The following INPP5D variants were observed in gnomAD, a reference collection of about 807,000 sequenced individuals.
INPP5D encodes inositol polyphosphate-5-phosphatase D.
INPP5D carries 33 observed loss-of-function variants against 122.9 expected under a neutral mutation model. The observed-to-expected ratio is 0.27, with a 90% confidence interval of 0.20 to 0.36. INPP5D has a LOEUF of 0.36. Among genes scored for constraint, INPP5D ranks in the 10% least tolerant of loss-of-function variants. The pLI, the probability that INPP5D is intolerant of heterozygous loss-of-function variation, is 1.00. For synonymous variants in INPP5D, 584 were observed against 576.2 expected, an observed-to-expected ratio of 1.01 and a Z score of -0.19; for missense variants, 1,053 against 1,412.7, an observed-to-expected ratio of 0.75 and a Z score of 4.08.
intron 5 of INPP5D, among the ~76,000 whole-genome samples, chr2:233,139,614 C>T (rs1347380475): frequency 2.0e-5 from 3 of 152,034 alleles, no homozygotes; most frequent in Non-Finnish European, 4.4e-5. Flanking sequence ...AAAGCAAAAC[C>T]TAGGTACAGT....
rs1226238658 is a variant in INPP5D at position 233,082,521 on chromosome 2, C to T, written c.198+3123C>T. 2.0e-5 allele frequency among the ~76,000 whole-genome samples: 3 copies of T among 152,168 alleles called. No homozygotes were observed. The highest frequency in any genetic ancestry group is 6.5e-5 in the Admixed American group (1 of 15,270). Reference sequence around the variant, plus strand: ...CCTGAAATTTTGCCAAGTGAAGCACCGAAAGGCTTTCATTGTTTCTTAGTT... The same window carrying T: ...CCTGAAATTTTGCCAAGTGAAGCACTGAAAGGCTTTCATTGTTTCTTAGTT... On this transcript the variant is annotated intron_variant, in intron 2 of 26. Transcript: ENST00000445964. This position sits in a 1 kb window ranked among gnomAD's most constrained non-coding sequence, Gnocchi z 4.7.
intron 2 of INPP5D, 82 bp from the exon 3 acceptor site, chr2:233,122,025 G>A (rs1267590705): frequency 1.3e-6 from 2 of 1,518,860 alleles, no homozygotes; most frequent in Non-Finnish European, 1.8e-6. Context: ...CGCCTCGCTG[G>A]TCTCTGCTGC....
At chr2:233,093,548 G>C (rs1692043567) in intron 2 of INPP5D, among the ~76,000 whole-genome samples, 1 of 23,772 alleles carries the variant, frequency 4.2e-5, no homozygotes, top group African/African-American at 2.9e-4. Context: ...GCATGGTGGC[G>C]AGTTGCCTAT....
intron 5 of INPP5D, among the ~76,000 whole-genome samples, chr2:233,132,816 T>C (rs1246608454): frequency 1.3e-5 from 2 of 152,180 alleles, no homozygotes; most frequent in African/African-American, 4.8e-5. Context: ...TCTTGCTCTT[T>C]TAGGCCTTTT....
At position 233,202,645 on chromosome 2, in the gene INPP5D, C is replaced by T. The variant is rs186284144; in HGVS notation, c.2976-1481C>T. Among the ~76,000 whole-genome samples the T allele has an allele frequency of 3.3e-5, 5 of 152,334 alleles. No individual in the cohort carries two copies. The East Asian group carries it at 9.6e-4, about 29-fold the overall frequency. ...CAGCCTCAACAGCTCAGTGGGTTCC[C>T]AGCGATCCACAATTTCTTCACGATA... On this transcript the variant is annotated intron_variant, in intron 25 of 26. Coordinates refer to ENST00000445964, the MANE Select transcript of INPP5D (RefSeq NM_001017915.3).
In INPP5D at chr2:233,203,269, C is replaced by T. The variant is rs371683309; in HGVS notation, c.2976-857C>T. ...ATTGCTGGAGTCAGAGGAGAGGCTG[C>T]GGGGTGGGGATGGGAGGAACCGGGA... is the stretch of plus-strand genomic sequence containing the variant. On this transcript the variant is annotated intron_variant, in intron 25 of 26. Transcript: ENST00000445964. Among the ~76,000 whole-genome samples the T allele has an allele frequency of 2.9e-3, 446 of 151,684 alleles. 5 individuals are homozygous for T. Among genetic ancestry groups the T allele is most frequent in the African/African-American group, 0.01 (429 of 41,282 alleles).
intron 8 of INPP5D, among the ~76,000 whole-genome samples, chr2:233,146,945 C>A (rs976602668): frequency 1.3e-5 from 2 of 152,176 alleles, no homozygotes; most frequent in Non-Finnish European, 2.9e-5. Context: ...CGCACCCCCT[C>A]CGCCACACAC....
At position 233,113,505 on chromosome 2, in the gene INPP5D, A is replaced by G. The variant is rs150085418; in HGVS notation, c.199-8602A>G. Among the ~76,000 whole-genome samples, 1,115 of 152,236 alleles carry G rather than the reference A, an allele frequency of 7.3e-3. 8 individuals are homozygous for G. Among genetic ancestry groups the G allele is most frequent in the South Asian group, 0.022 (106 of 4,824 alleles). On this transcript the variant is annotated intron_variant, in intron 2 of 26. Transcript: ENST00000445964. ...ATTATTGTTCTTTTTAAGAACAAAC[A>G]TTTTGGAGTCCATTCAAAGCCATGT... is the stretch of plus-strand genomic sequence containing the variant.
At chr2:233,161,050 A>C (rs1694185867) in intron 10 of INPP5D, among the ~76,000 whole-genome samples, 1 of 152,150 alleles carries the variant, frequency 6.6e-6, no homozygotes, top group Non-Finnish European at 1.5e-5. Flanking sequence ...GTTCTGGATC[A>C]CACTTGTTAA....
At position 233,060,400 on chromosome 2, in the gene INPP5D, G is replaced by A; in HGVS notation, c.-79G>A. ...GAGGCAACGGGCGGCAGGTTGCAGT[G>A]GAGGGGCCTCCGCTCCCCTCGGTGG... On this transcript the variant is annotated 5_prime_UTR_variant, in exon 1 of 27. Transcript: ENST00000445964. 2.7e-6 allele frequency: 4 copies of A among 1,466,268 alleles called. No homozygotes were observed. The highest frequency in any genetic ancestry group is 3.7e-6 in the Non-Finnish European group (4 of 1,091,754). The allele number at this position is 1,466,268 out of a possible 1,614,324, so 90.8% of individuals were successfully genotyped here.
At position 233,130,628 on chromosome 2, in the gene INPP5D, G is replaced by GCT; in HGVS notation, c.648_649dup (p.Cys217SerfsTer53). The GCT allele has an allele frequency of 6.2e-7, 1 of 1,613,998 alleles. No individual in the cohort carries two copies. Among genetic ancestry groups the GCT allele is most frequent in the Non-Finnish European group, 8.5e-7 (1 of 1,179,884 alleles). On this transcript the variant is annotated frameshift_variant, in exon 5 of 27. Coordinates refer to ENST00000445964, the MANE Select transcript of INPP5D (RefSeq NM_001017915.3). LOFTEE classifies it high-confidence loss of function. ...CTCACCTGAAGAAACTGACCACACT[G>GCT]CTCTGCAAGGAGCTCTATGGGTAAT...
At chr2:233,150,227 A>G (rs1693887746) in intron 9 of INPP5D, among the ~76,000 whole-genome samples, 2 of 152,148 alleles carry the variant, frequency 1.3e-5, no homozygotes, top group South Asian at 4.1e-4. Flanking sequence ...TGGGGAGGTA[A>G]TTAAATCACT....
chr2:233,099,716 G>C (rs1692249152), intron 2 of INPP5D, among the ~76,000 whole-genome samples: 1 of 152,166 alleles, frequency 6.6e-6, no homozygotes, highest in South Asian at 2.1e-4. Flanking sequence ...TAATAATCTG[G>C]ATTTTCAGCT....
At chr2:233,169,426 A>C in intron 14 of INPP5D, 25 bp downstream of exon 14, 1 of 1,569,102 alleles carries the variant, frequency 6.4e-7, no homozygotes, top group Non-Finnish European at 8.6e-7. Flanking sequence ...TCCCCCCAAG[A>C]GTGTGCATTT....
At chr2:233,113,906 CTTTT>C (rs778997649) in intron 2 of INPP5D, among the ~76,000 whole-genome samples, 1 of 127,720 alleles carries the variant, frequency 7.8e-6, no homozygotes, top group Non-Finnish European at 1.6e-5. Flanking sequence ...CCAAACCACT[CTTTT>C]TTTTTTTTTT....
intron 18 of INPP5D, among the ~76,000 whole-genome samples, chr2:233,180,108 C>T (rs988446769): frequency 6.6e-5 from 10 of 151,998 alleles, no homozygotes; most frequent in Non-Finnish European, 1.3e-4. Flanking sequence ...TTCCCAGATT[C>T]GAGTGTCACC....
rs547123112 is a variant in INPP5D, at chr2:233,113,938, G to A, written c.199-8169G>A. Among the ~76,000 whole-genome samples, 371 of 128,896 alleles carry A rather than the reference G, an allele frequency of 2.9e-3. 1 individual carries two copies. Among genetic ancestry groups the A allele is most frequent in the African/African-American group, 9.5e-3 (281 of 29,558 alleles). The allele number at this position is 128,896 out of a possible 152,430, so 84.6% of individuals were successfully genotyped here. A position where few individuals can be genotyped will look rare whatever the true frequency, so the allele number is the denominator to read the frequency against. On this transcript the variant is annotated intron_variant, in intron 2 of 26. Transcript: ENST00000445964. ...TTTTTTTTTTTTGAGACGGAGTCTC[G>A]CTCTGTCGCCCAGGCTGGATGGAGT...
At position 233,128,944 on chromosome 2, in the gene INPP5D, C is replaced by G. The variant is rs111891260; in HGVS notation, c.525-1564C>G. On this transcript the variant is annotated intron_variant, in intron 4 of 26. Transcript: ENST00000445964. This position sits in a 1 kb window ranked among gnomAD's most constrained non-coding sequence, Gnocchi z 4.5. The stretch of plus-strand genomic sequence containing the variant: ...ACCTGTTATCCCAGCACTTTGGGAG[C>G]CTGAGGCAGTGGATCACCTGAGGTC... Among the ~76,000 whole-genome samples the G allele has an allele frequency of 9.4e-3, 1,429 of 152,204 alleles. 8 individuals carry two copies. Among genetic ancestry groups the G allele is most frequent in the African/African-American group, 0.013 (550 of 41,518 alleles).
At chr2:233,125,612 T>G in intron 3 of INPP5D, 133 bp from the exon 4 acceptor site, 12 of 739,562 alleles carry the variant, frequency 1.6e-5, no homozygotes, top group Admixed American at 3.0e-5. Flanking sequence ...CAGGAGGGAG[T>G]CAGCGAGGGA....
Sources: allele counts gnomAD v4.1 joint callset (sites outside exome capture counted in the v4.1 genomes callset), GRCh38; gene constraint gnomAD v4.1.1; non-coding constraint Gnocchi (gnomAD v3.1); transcripts MANE v1.5; gene names NCBI Gene and HGNC (gene_info 2026-07-23, HGNC 2026-07-21).